The following CABLES1 variants were observed in gnomAD, a reference collection of about 807,000 sequenced individuals.
CABLES1 encodes Cdk5 and Abl enzyme substrate 1.
Under a neutral mutation model 57.8 loss-of-function variants are expected in CABLES1, and 36 were observed. The observed-to-expected ratio is 0.62, with a 90% CI of 0.48 to 0.82. The LOEUF (loss-of-function observed/expected upper bound fraction) is 0.82. CABLES1 is among the 40% of genes least tolerant of loss of function. The probability of loss-of-function intolerance (pLI) is 0.00; values close to 1 mark genes in which losing one functional copy is unlikely to be tolerated. For synonymous variants in CABLES1, 374 were observed against 363.0 expected, an observed-to-expected ratio of 1.03 and a Z score of -0.35; for missense variants, 767 against 836.6, an observed-to-expected ratio of 0.92 and a Z score of 1.03.
chr18:23,204,483 G>A (rs1047805347), intron 3 of CABLES1: 1 of 152,242 alleles, frequency 6.6e-6, no homozygotes, highest in African/African-American at 2.4e-5. Context: ...AGCAGTCACA[G>A]AGGAAAGGTA....
chr18:23,181,063 A>G (rs542135236), intron 1 of CABLES1, among the ~76,000 whole-genome samples: 1 of 152,234 alleles, frequency 6.6e-6, no homozygotes, highest in Non-Finnish European at 1.5e-5. Flanking sequence ...CAGAGTCTAT[A>G]AGGTTGAAGT....
intron 1 of CABLES1, among the ~76,000 whole-genome samples, chr18:23,183,364 A>G (rs565102065): frequency 6.6e-6 from 1 of 152,260 alleles, no homozygotes; most frequent in Admixed American, 6.5e-5. Context: ...AGTGATTTGC[A>G]CCCACGGAGG....
chr18:23,198,347 T>A lies in CABLES1; in HGVS notation c.1010+3807T>A, dbSNP rs75235354. ...GTCAAATAAATGAGTAGAGATGCCT[T>A]TTAAATGAGTTTGTCTTCAGGACTA... On this transcript the variant is annotated intron_variant, in intron 3 of 9. Transcript: ENST00000256925. Among the ~76,000 whole-genome samples the A allele has an allele frequency of 3.9e-5, 6 of 152,324 alleles. No individual in the cohort carries two copies. In the East Asian group the frequency reaches 1.2e-3, roughly 29 times the overall value.
Position 23,136,544 on chromosome 18 carries a change from G to A in CABLES1, c.782G>A (p.Cys261Tyr). 6.4e-7 allele frequency: 1 copy of A among 1,566,534 alleles called. No homozygotes were observed. Among genetic ancestry groups the A allele is most frequent in the Admixed American group, 1.8e-5 (1 of 55,522 alleles). ...AFSRPTSQNY[C>Y]SLEQPGQGGS... is the part of the protein sequence containing the mutation. ...TCCAGGCCGACTTCGCAGAACTACT[G>A]CTCCCTGGAGCAGCCAGGCCAGGGC... Residue 261 changes from cysteine (C) to tyrosine (Y), a missense_variant, in exon 1 of 10, where the codon TGC becomes TAC. Cys to Tyr is a radical substitution (Grantham distance 194). Coordinates refer to ENST00000256925, the MANE Select transcript of CABLES1 (RefSeq NM_001100619.3).
intron 4 of CABLES1, among the ~76,000 whole-genome samples, chr18:23,226,098 A>G (rs754491920): frequency 6.6e-6 from 1 of 152,192 alleles, no homozygotes; most frequent in African/African-American, 2.4e-5. Context: ...AAATAATACA[A>G]ACTTGACCTT....
intron 7 of CABLES1, among the ~76,000 whole-genome samples, chr18:23,238,272 TC>T (rs2047654963): frequency 6.6e-6 from 1 of 152,258 alleles, no homozygotes; most frequent in Non-Finnish European, 1.5e-5. Context: ...CTGAGGGTTC[TC>T]CGCTGTTTGT....
In CABLES1 at chr18:23,257,282, C is replaced by T. The variant is rs776065904; in HGVS notation, c.1817C>T (p.Pro606Leu). The T allele has an allele frequency of 2.4e-5, 39 of 1,613,512 alleles. No homozygotes were observed. The South Asian group carries it at 2.6e-4, about 11-fold the overall frequency. The change falls in exon 10 of 10, where the codon CCG (proline) becomes CTG (leucine). Residue 606 changes from proline to leucine, a missense_variant. Physicochemically the swap from Pro to Leu is moderately conservative, Grantham distance 98 (BLOSUM62 -3). Around this residue, in one of 4 missense-constraint regions of CABLES1, gnomAD observed 15 missense variants for 41.0 expected, o/e 0.37. Transcript: ENST00000256925. ...NRRELIAFEF[P>L]VLVALEFALH... ...CGAGAACTGATTGCCTTTGAATTCC[C>T]GGTGTTAGTGGCCTTGGAATTCGCC...
At chr18:23,242,942 A>G (rs2047771917) in intron 7 of CABLES1, among the ~76,000 whole-genome samples, 1 of 152,068 alleles carries the variant, frequency 6.6e-6, no homozygotes, top group African/African-American at 2.4e-5. Context: ...TCAATGAAAG[A>G]AAGACTAATT....
At chr18:23,200,213 A>G (rs553746163) in intron 3 of CABLES1, among the ~76,000 whole-genome samples, 1 of 152,266 alleles carries the variant, frequency 6.6e-6, no homozygotes, top group African/African-American at 2.4e-5. Flanking sequence ...GTCTGATACC[A>G]AGCAAAGATT....
At position 23,260,354 on chromosome 18, in the gene CABLES1, C is replaced by T. The variant is rs1247531463; in HGVS notation, c.*2987C>T. ...CTTGGGGCGGCCGCTTCACACAAGC[C>T]ACTCTGTACCACGTGCCCTACCTTA... On this transcript the variant is annotated 3_prime_UTR_variant, in exon 10 of 10. Transcript: ENST00000256925. The T allele has an allele frequency of 6.6e-6, 1 of 152,246 alleles. No homozygotes were observed. Among genetic ancestry groups the T allele is most frequent in the Non-Finnish European group, 1.5e-5 (1 of 68,084 alleles). The allele number at this position is 152,246 out of a possible 1,614,324, so 9.4% of individuals were successfully genotyped here.
intron 1 of CABLES1, among the ~76,000 whole-genome samples, chr18:23,152,333 G>A (rs767684128): frequency 6.6e-6 from 1 of 152,034 alleles, no homozygotes; most frequent in Admixed American, 6.6e-5. Flanking sequence ...AATCCTTGCC[G>A]TTACTGTCCT....
chr18:23,240,175 AG>A (rs1203350183), intron 7 of CABLES1, among the ~76,000 whole-genome samples: 1 of 152,170 alleles, frequency 6.6e-6, no homozygotes, highest in African/African-American at 2.4e-5. Flanking sequence ...CGTGGGCCCC[AG>A]GGGGTAGGCC....
Position 23,253,795 on chromosome 18 carries a change from G to A in CABLES1, c.1620G>A (p.Met540Ile). Residue 540 changes from methionine to isoleucine, a missense_variant, in exon 9 of 10, where the codon ATG becomes ATA. Transcript: ENST00000256925. Reference sequence around the variant, plus strand: ...GCCTTGAGGAGCCCACGGTGGCCATGGCCTTCGTCTACTTTGAAAAGCTCG... The same window carrying A: ...GCCTTGAGGAGCCCACGGTGGCCATAGCCTTCGTCTACTTTGAAAAGCTCG... ...DCGLEEPTVA[M>I]AFVYFEKLAL... is the part of the protein sequence containing the mutation. The A allele has an allele frequency of 6.2e-7, 1 of 1,614,232 alleles. No individual in the cohort carries two copies. The highest frequency in any genetic ancestry group is 1.7e-5 in the Admixed American group (1 of 60,032).
rs2048264102 is a variant in CABLES1, at chr18:23,260,342, C to T, written c.*2975C>T. The stretch of plus-strand genomic sequence containing the variant: ...CTGCAGGCTCAGCTTGGGGCGGCCG[C>T]TTCACACAAGCCACTCTGTACCACG... On this transcript the variant is annotated 3_prime_UTR_variant, in exon 10 of 10. Coordinates refer to ENST00000256925, the MANE Select transcript of CABLES1 (RefSeq NM_001100619.3). The T allele has an allele frequency of 6.6e-6, 1 of 152,262 alleles. No individual in the cohort carries two copies. Among genetic ancestry groups the T allele is most frequent in the Non-Finnish European group, 1.5e-5 (1 of 68,094 alleles). The allele number at this position is 152,262 out of a possible 1,614,324, so 9.4% of individuals were successfully genotyped here.
chr18:23,187,023 C>G (rs1284788907), intron 1 of CABLES1, among the ~76,000 whole-genome samples: 2 of 152,198 alleles, frequency 1.3e-5, no homozygotes. Context: ...CAAGTGCTGT[C>G]ACAGGGGTCT....
chr18:23,144,565 G>A (rs1425232671), intron 1 of CABLES1, among the ~76,000 whole-genome samples: 1 of 152,212 alleles, frequency 6.6e-6, no homozygotes, highest in Non-Finnish European at 1.5e-5. Context: ...CTTCACGTAT[G>A]TTGTTTTATT....
chr18:23,203,507 A>G (rs2145039029), intron 3 of CABLES1, among the ~76,000 whole-genome samples: 2 of 152,238 alleles, frequency 1.3e-5, no homozygotes, highest in Middle Eastern at 6.8e-3. Context: ...AGCACCCTTT[A>G]TCTGCATTTT....
intron 3 of CABLES1, chr18:23,204,398 G>A (rs1205339512): frequency 2.0e-5 from 3 of 152,194 alleles, no homozygotes; most frequent in Non-Finnish European, 2.9e-5. Flanking sequence ...CTTGTGTACG[G>A]GTTTGCGACT....
Position 23,194,508 on chromosome 18 carries a change from G to A in CABLES1, c.978G>A (p.Lys326=). ...PKNFKKIHFI[K]NMRQHDTRNG... ...ATTTTAAGAAGATTCATTTTATCAA[G>A]AACATGCGGCAACACGATACCAGGA... Residue 326 remains lysine (K), a synonymous_variant, in exon 3 of 10, where the codon AAG becomes AAA. Coordinates refer to ENST00000256925, the MANE Select transcript of CABLES1 (RefSeq NM_001100619.3). The A allele has an allele frequency of 6.8e-6, 11 of 1,613,336 alleles. No homozygotes were observed. The highest frequency in any genetic ancestry group is 9.3e-6 in the Non-Finnish European group (11 of 1,179,278).
Sources: gnomAD v4.1 joint callset for allele counts (sites outside exome capture counted in the v4.1 genomes callset) on GRCh38, gnomAD v4.1.1 for gene constraint, gnomAD v4.1.1 regional missense constraint, MANE v1.5 for transcripts, NCBI Gene and HGNC (gene_info 2026-07-23, HGNC 2026-07-21) for gene names.